GPC5: variants seen among roughly 807,000 people sequenced by gnomAD.
GPC5 encodes the protein glypican 5.
In GPC5, 47 loss-of-function variants were observed where a neutral mutation model predicts 53.9. That is an observed-to-expected ratio of 0.87 (90% CI 0.69 to 1.11). GPC5 has a LOEUF of 1.11. Among genes scored for constraint, GPC5 ranks in the 50% most tolerant of loss-of-function variants. The pLI is 0.00. For missense variants in GPC5, 748 were observed against 713.1 expected, an observed-to-expected ratio of 1.05 and a Z score of -0.56; for synonymous variants, 286 against 263.3, an observed-to-expected ratio of 1.09 and a Z score of -0.84.
chr13:92,323,835 T>C (rs1287349327), intron 7 of GPC5, among the ~76,000 whole-genome samples: 2 of 151,928 alleles, frequency 1.3e-5, no homozygotes, highest in Admixed American at 1.3e-4. Flanking sequence ...ATAGATGATA[T>C]ATTAGGGTGT....
At chr13:92,148,185 A>G (rs894664344) in intron 7 of GPC5, among the ~76,000 whole-genome samples, 5 of 152,068 alleles carry the variant, frequency 3.3e-5, no homozygotes. Context: ...TGTGAGTATT[A>G]ATACTAATAT....
chr13:92,322,647 A>T (rs1566538382), intron 7 of GPC5, among the ~76,000 whole-genome samples: 1 of 152,166 alleles, frequency 6.6e-6, no homozygotes, highest in Non-Finnish European at 1.5e-5. Context: ...ATTTATTAAC[A>T]TTTTAATGTG....
chr13:92,391,225 A>C (rs907463462), intron 7 of GPC5, among the ~76,000 whole-genome samples: 1 of 152,116 alleles, frequency 6.6e-6, no homozygotes, highest in East Asian at 1.9e-4. Flanking sequence ...TCTCCAACCC[A>C]TTTTTTTAGT....
intron 2 of GPC5, among the ~76,000 whole-genome samples, chr13:91,540,694 A>G (rs890576372): frequency 2.6e-5 from 4 of 152,220 alleles, no homozygotes; most frequent in African/African-American, 9.6e-5. Flanking sequence ...AGCAAAAGTC[A>G]TGTACATTTG....
chr13:92,782,913 T>G (rs1876085249), intron 7 of GPC5, among the ~76,000 whole-genome samples: 1 of 152,200 alleles, frequency 6.6e-6, no homozygotes, highest in African/African-American at 2.4e-5. Context: ...TCATTTCATT[T>G]TCTTTACAAA....
At chr13:92,574,940 GAGAT>G (rs1464918675) in intron 7 of GPC5, among the ~76,000 whole-genome samples, 2 of 152,174 alleles carry the variant, frequency 1.3e-5, no homozygotes, top group Non-Finnish European at 2.9e-5. Flanking sequence ...ACGCTGGAAA[GAGAT>G]AGAACTATTC....
At chr13:91,916,735 T>A (rs2039663180) in intron 6 of GPC5, among the ~76,000 whole-genome samples, 1 of 152,154 alleles carries the variant, frequency 6.6e-6, no homozygotes, top group Non-Finnish European at 1.5e-5. Context: ...AGAAGCCACC[T>A]CTTCACAGAG....
chr13:91,536,079 T>C (rs2138699606), intron 2 of GPC5, among the ~76,000 whole-genome samples: 1 of 152,226 alleles, frequency 6.6e-6, no homozygotes, highest in East Asian at 1.9e-4. Flanking sequence ...TCATTTCTCT[T>C]TTTAAATATC....
rs1343196217 is a variant in GPC5, at chr13:92,373,480, A to G, written c.1561+228491A>G. On this transcript the variant is annotated intron_variant, in intron 7 of 7. Transcript: ENST00000377067. ...TACTCTCTTATCTTTGCCATCCTGC[A>G]ATGATTCTAAGTTCTCACATGAGAA... 3.9e-5 allele frequency among the ~76,000 whole-genome samples: 6 copies of G among 152,282 alleles called. No homozygotes were observed. In the East Asian group the frequency reaches 1.2e-3, roughly 29 times the overall value.
At chr13:92,625,465 A>G (rs1002065775) in intron 7 of GPC5, among the ~76,000 whole-genome samples, 17 of 152,214 alleles carry the variant, frequency 1.1e-4, no homozygotes, top group African/African-American at 4.1e-4. Context: ...TAAGTTGCAC[A>G]TTTTAATGTA....
At chr13:92,273,602 C>G (rs187207634) in intron 7 of GPC5, among the ~76,000 whole-genome samples, 2 of 151,990 alleles carry the variant, frequency 1.3e-5, no homozygotes, top group Non-Finnish European at 2.9e-5. Context: ...GGAAATTCCC[C>G]TCCCTGAACA....
intron 7 of GPC5, among the ~76,000 whole-genome samples, chr13:92,210,238 G>T (rs542959373): frequency 1.3e-5 from 2 of 152,074 alleles, no homozygotes; most frequent in Non-Finnish European, 2.9e-5. Context: ...ACATTGATGA[G>T]ACCCTATTTT....
At chr13:92,815,484 T>C (rs1248789999) in intron 7 of GPC5, among the ~76,000 whole-genome samples, 1 of 151,884 alleles carries the variant, frequency 6.6e-6, no homozygotes, top group Non-Finnish European at 1.5e-5. Context: ...TGTGAGGAAA[T>C]CAGGGCAGAC....
intron 7 of GPC5, among the ~76,000 whole-genome samples, chr13:92,167,935 C>T (rs566006973): frequency 1.3e-5 from 2 of 152,050 alleles, no homozygotes; most frequent in Admixed American, 1.3e-4. Flanking sequence ...AGTGACACAT[C>T]GTTAGATCCA....
At chr13:91,424,563 C>T (rs981392460) in intron 1 of GPC5, among the ~76,000 whole-genome samples, 2 of 151,990 alleles carry the variant, frequency 1.3e-5, no homozygotes, top group African/African-American at 4.8e-5. Context: ...GACGGGGTTT[C>T]ATCATGTTGG....
chr13:92,358,251 T>C (rs1382505744), intron 7 of GPC5, among the ~76,000 whole-genome samples: 1 of 151,792 alleles, frequency 6.6e-6, no homozygotes, highest in African/African-American at 2.4e-5. Context: ...ATTGATTCCA[T>C]GTCTCACATC....
intron 7 of GPC5, among the ~76,000 whole-genome samples, chr13:92,812,445 A>T (rs538124339): frequency 6.6e-6 from 1 of 151,924 alleles, no homozygotes; most frequent in Non-Finnish European, 1.5e-5. Context: ...AATTCACATG[A>T]TCATCTCAAA....
At chr13:91,662,405 G>C (rs1280736949) in intron 2 of GPC5, among the ~76,000 whole-genome samples, 1 of 152,314 alleles carries the variant, frequency 6.6e-6, no homozygotes, top group East Asian at 1.9e-4. Flanking sequence ...ATTTGGTGAA[G>C]TAGAGGTGAC....
At chr13:92,198,917 A>T (rs1027405999) in intron 7 of GPC5, among the ~76,000 whole-genome samples, 2 of 152,246 alleles carry the variant, frequency 1.3e-5, no homozygotes, top group Non-Finnish European at 2.9e-5. Context: ...GAGACACCAT[A>T]GAGATAGCAG....
Sources: gnomAD v4.1 joint callset for allele counts (sites outside exome capture counted in the v4.1 genomes callset) on GRCh38, gnomAD v4.1.1 for gene constraint, MANE v1.5 for transcripts, NCBI Gene and HGNC (gene_info 2026-07-23, HGNC 2026-07-21) for gene names.